TRPC4AP: variants seen among roughly 807,000 people sequenced by gnomAD.
TRPC4AP encodes the protein short transient receptor potential channel 4-associated protein.
Under a neutral mutation model 99.0 loss-of-function variants are expected in TRPC4AP, and 45 were observed. That is an observed-to-expected ratio of 0.45 (90% CI 0.36 to 0.58). The LOEUF (loss-of-function observed/expected upper bound fraction) is 0.58. TRPC4AP is among the 20% of genes least tolerant of loss of function. The pLI, the probability that TRPC4AP is intolerant of heterozygous loss-of-function variation, is 0.00. For synonymous variants in TRPC4AP, 408 were observed against 385.8 expected (o/e 1.06, Z -0.67); for missense variants, 879 against 985.3 (o/e 0.89, Z 1.44).
chr20:35,091,957 CCA>C (rs2085078855), intron 1 of TRPC4AP, among the ~76,000 whole-genome samples: 1 of 151,784 alleles, frequency 6.6e-6, no homozygotes, highest in African/African-American at 2.4e-5. Context: ...AGGCCTGACT[CCA>C]GAGTCCCTCT....
At chr20:35,023,952 A>G (rs1463457906) in intron 8 of TRPC4AP, among the ~76,000 whole-genome samples, 4 of 152,188 alleles carry the variant, frequency 2.6e-5, no homozygotes, top group Non-Finnish European at 5.9e-5. Context: ...TATTTTCAAG[A>G]AACAGTCTCC....
intron 9 of TRPC4AP, among the ~76,000 whole-genome samples, chr20:35,020,083 C>T (rs1569091401): frequency 6.6e-6 from 1 of 152,204 alleles, no homozygotes; most frequent in African/African-American, 2.4e-5. Flanking sequence ...TCTCCTCACT[C>T]TTAAGTTCAC....
intron 8 of TRPC4AP, among the ~76,000 whole-genome samples, chr20:35,021,907 T>A (rs1376041708): frequency 6.6e-6 from 1 of 152,238 alleles, no homozygotes; most frequent in African/African-American, 2.4e-5. Context: ...CTGATGCAGA[T>A]GAACATATTA....
chr20:35,077,967 G>A (rs192999132), intron 2 of TRPC4AP, 79 bp downstream of exon 2: 47 of 1,465,726 alleles, frequency 3.2e-5, no homozygotes, highest in Admixed American at 1.4e-4. Flanking sequence ...AAAGCCAACG[G>A]AAGGGAAAAA....
rs200326780 is a variant in TRPC4AP at position 35,078,155 on chromosome 20, G to A, written c.188C>T (p.Thr63Met). The A allele has an allele frequency of 1.4e-4, 221 of 1,613,090 alleles. No homozygotes were observed. Among genetic ancestry groups the A allele is most frequent in the South Asian group, 3.6e-4 (33 of 90,986 alleles). ...RAVQFTETFLTERDKQSKWSG... is the reference protein window; with the variant it reads ...RAVQFTETFLMERDKQSKWSG... ...CCACTTGGATTGTTTGTCCCTCTCC[G>A]TCAAAAAAGTCTCAGTGAACTGTGA... Residue 63 changes from threonine (T) to methionine (M), a missense_variant, in exon 2 of 19, where the codon ACG (threonine) becomes ATG (methionine). Around this residue, in one of 3 missense-constraint regions of TRPC4AP, gnomAD observed 603 missense variants for 631.8 expected, o/e 0.95. Transcript: ENST00000252015.
At chr20:35,029,866 G>A (rs1158767005) in intron 8 of TRPC4AP, among the ~76,000 whole-genome samples, 1 of 147,084 alleles carries the variant, frequency 6.8e-6, no homozygotes, top group African/African-American at 2.5e-5. Context: ...TCGATCTCCT[G>A]ACCTCGTGAT....
chr20:35,052,014 A>C (rs2083711308), intron 5 of TRPC4AP, among the ~76,000 whole-genome samples: 1 of 152,190 alleles, frequency 6.6e-6, no homozygotes, highest in Non-Finnish European at 1.5e-5. Context: ...AAAAGCACTA[A>C]AACAATATAT....
At chr20:35,006,599 A>C in intron 14 of TRPC4AP, 24 bp from the exon 15 acceptor site, 1 of 1,609,312 alleles carries the variant, frequency 6.2e-7, no homozygotes, top group East Asian at 2.2e-5. Flanking sequence ...GACAGGGTGA[A>C]GGTGTCAACG....
At chr20:35,013,663 G>A (rs1157810210) in intron 10 of TRPC4AP, among the ~76,000 whole-genome samples, 1 of 152,178 alleles carries the variant, frequency 6.6e-6, no homozygotes, top group African/African-American at 2.4e-5. Context: ...AGAAAGGACC[G>A]AGGAGTTTGG....
chr20:35,033,227 C>G (rs2083242404), intron 8 of TRPC4AP, among the ~76,000 whole-genome samples: 1 of 152,148 alleles, frequency 6.6e-6, no homozygotes. Context: ...TGTAGCAACT[C>G]TGGATACTGA....
At chr20:35,074,905 A>G (rs2084430176) in intron 2 of TRPC4AP, among the ~76,000 whole-genome samples, 1 of 152,102 alleles carries the variant, frequency 6.6e-6, no homozygotes, top group Non-Finnish European at 1.5e-5. Context: ...GTGGGAGTCT[A>G]AGTTTCTTTG....
chr20:35,041,297 T>G (rs1315907611), intron 7 of TRPC4AP, among the ~76,000 whole-genome samples: 1 of 152,204 alleles, frequency 6.6e-6, no homozygotes, highest in Non-Finnish European at 1.5e-5. Flanking sequence ...ACTCGTGATT[T>G]AATTATGTCC....
chr20:35,077,393 C>T (rs546195237), intron 2 of TRPC4AP, among the ~76,000 whole-genome samples: 6 of 152,106 alleles, frequency 3.9e-5, no homozygotes, highest in East Asian at 1.9e-4. Flanking sequence ...ATCCTGGAAC[C>T]GGACCCCCAC....
At chr20:35,069,228 T>C in intron 3 of TRPC4AP, 68 bp downstream of exon 3, 1 of 911,302 alleles carries the variant, frequency 1.1e-6, no homozygotes, top group Non-Finnish European at 1.7e-6. Context: ...TATCTCCCAT[T>C]TCAAAAGTTA....
intron 4 of TRPC4AP, among the ~76,000 whole-genome samples, chr20:35,055,989 A>G (rs2083816737): frequency 1.3e-5 from 2 of 152,196 alleles, no homozygotes; most frequent in South Asian, 4.1e-4. Flanking sequence ...ACTTGCTTCT[A>G]TTTTTTAAAA....
chr20:35,032,573 G>T lies in TRPC4AP; in HGVS notation c.1051+2550C>A, dbSNP rs777936305. 2.8e-5 allele frequency among the ~76,000 whole-genome samples: 4 copies of T among 144,326 alleles called. No individual in the cohort carries two copies. In the East Asian group the frequency reaches 6.4e-4, roughly 23 times the overall value. 94.7% of individuals were successfully genotyped at this position (144,326 alleles called of 152,430 possible). The stretch of plus-strand genomic sequence containing the variant: ...TGCAACCTCTGCCTCCCAGGTTCTC[G>T]CCATTCTCCTGCCTCAGGCCTCCCC... On this transcript the variant is annotated intron_variant, in intron 8 of 18. Transcript: ENST00000252015.
chr20:35,049,831 C>A, intron 6 of TRPC4AP, 35 bp downstream of exon 6: 1 of 1,590,404 alleles, frequency 6.3e-7, no homozygotes, highest in South Asian at 1.1e-5. Flanking sequence ...CTGAGACACC[C>A]TTCCCCATCT....
intron 5 of TRPC4AP, among the ~76,000 whole-genome samples, chr20:35,051,966 T>C (rs1054782905): frequency 1.4e-4 from 22 of 152,174 alleles, no homozygotes; most frequent in Non-Finnish European, 1.2e-4. Context: ...ATCACAATCC[T>C]TCCTTTCCTC....
chr20:35,071,349 G>A (rs757108989), intron 2 of TRPC4AP, among the ~76,000 whole-genome samples: 8 of 151,940 alleles, frequency 5.3e-5, no homozygotes, highest in Admixed American at 2.0e-4. Context: ...TGTTACATAT[G>A]TATACATGTG....
Sources: gnomAD v4.1 joint callset for allele counts (sites outside exome capture counted in the v4.1 genomes callset) on GRCh38, gnomAD v4.1.1 for gene constraint, gnomAD v4.1.1 regional missense constraint, MANE v1.5 for transcripts, NCBI Gene and HGNC (gene_info 2026-07-23, HGNC 2026-07-21) for gene names.